Variants in NLK observed in about 807,000 individuals in gnomAD.
NLK encodes the protein nemo like kinase.
A neutral mutation model predicts 59.0 loss-of-function variants in NLK; 11 were observed. The observed-to-expected ratio is 0.19, with a 90% confidence interval of 0.12 to 0.31. The LOEUF (loss-of-function observed/expected upper bound fraction) is 0.31, where lower values mean the gene tolerates loss of function less well. Among genes scored for constraint, NLK ranks in the 10% least tolerant of loss-of-function variants. The pLI is 1.00. For missense variants in NLK, 410 were observed against 661.1 expected (o/e 0.62, Z 4.16); for synonymous variants, 235 against 235.9 (o/e 1.00, Z 0.03).
At chr17:28,116,180 A>G (rs1195641808) in intron 1 of NLK, 7 of 153,506 alleles carry the variant, frequency 4.6e-5, no homozygotes, top group African/African-American at 1.7e-4. Context: ...ACAAAGAGCT[A>G]ACATGGTTTC....
chr17:28,085,339 AT>A (rs1910476489), intron 1 of NLK, among the ~76,000 whole-genome samples: 1 of 152,188 alleles, frequency 6.6e-6, no homozygotes, highest in African/African-American at 2.4e-5. Context: ...CAAATAAGTA[AT>A]TAAATTTAAA....
At chr17:28,201,162 C>A (rs1909619353), downstream of NLK, among the ~76,000 whole-genome samples, 1 of 152,152 alleles carries the variant, frequency 6.6e-6, no homozygotes, top group South Asian at 2.1e-4. Context: ...CTCACATCAG[C>A]CTCCACCTCC....
chr17:28,167,267 C>T (rs944580545), intron 5 of NLK, among the ~76,000 whole-genome samples: 2 of 152,042 alleles, frequency 1.3e-5, no homozygotes, highest in Non-Finnish European at 2.9e-5. Context: ...GTCTCAATCT[C>T]ACTCTGTCTC....
downstream of NLK, among the ~76,000 whole-genome samples, chr17:28,197,208 C>T (rs1909503490): frequency 6.6e-6 from 1 of 152,096 alleles, no homozygotes; most frequent in South Asian, 2.1e-4. Context: ...GTGGCTTACA[C>T]CTGTAATCTC....
chr17:28,070,634 A>T (rs1909976986), intron 1 of NLK, among the ~76,000 whole-genome samples: 1 of 152,056 alleles, frequency 6.6e-6, no homozygotes, highest in South Asian at 2.1e-4. Flanking sequence ...TACAGGCATG[A>T]GCCACCGTGC....
intron 2 of NLK, among the ~76,000 whole-genome samples, 199 bp from the exon 3 acceptor site, chr17:28,132,421 G>A (rs1906556984): frequency 1.3e-5 from 2 of 152,158 alleles, no homozygotes; most frequent in African/African-American, 4.8e-5. Context: ...CTCTCATTTT[G>A]TAAGTCTTTT....
intron 2 of NLK, among the ~76,000 whole-genome samples, chr17:28,129,555 T>C (rs1196004901): frequency 2.0e-5 from 3 of 152,168 alleles, no homozygotes; most frequent in Admixed American, 2.0e-4. Flanking sequence ...TACTCAGGAT[T>C]TGTATACCTT....
intron 1 of NLK, among the ~76,000 whole-genome samples, chr17:28,097,951 C>G (rs1007983245): frequency 6.6e-6 from 1 of 152,032 alleles, no homozygotes; most frequent in Non-Finnish European, 1.5e-5. Context: ...TACAGGGTAA[C>G]CTAGTTGACA....
At position 28,194,571 on chromosome 17, in the gene NLK, T is replaced by A. The variant is rs1244942784; in HGVS notation, c.1530-11T>A. The A allele has an allele frequency of 1.9e-6, 3 of 1,578,276 alleles. No individual in the cohort carries two copies. The African/African-American group carries it at 4.0e-5, about 21-fold the overall frequency. ...ATTACAACTAATTTCTCCATCTCTG[T>A]TTTCTTCCAGTTCCACTGTTGCTCA... On this transcript the variant is annotated splice_polypyrimidine_tract_variant and intron_variant, in intron 10 of 10. Coordinates refer to ENST00000407008, the MANE Select transcript of NLK (RefSeq NM_016231.5).
At position 28,189,612 on chromosome 17, in the gene NLK, A is replaced by G. The variant is rs1423289332; in HGVS notation, c.1237-1409A>G. Among the ~76,000 whole-genome samples, 5 of 152,224 alleles carry G rather than the reference A, an allele frequency of 3.3e-5. No individual in the cohort carries two copies. The East Asian group carries it at 9.6e-4, about 29-fold the overall frequency. The stretch of plus-strand genomic sequence containing the variant: ...TTAAAGAAAAATAGAAGGAAAGGGA[A>G]GCCAAGGGCTCAGAGAGGCCTGGGA... On this transcript the variant is annotated intron_variant, in intron 8 of 10. Transcript: ENST00000407008.
intron 4 of NLK, 32 bp from the exon 5 acceptor site, chr17:28,163,511 A>G (rs1271819768): frequency 4.0e-6 from 5 of 1,254,852 alleles, no homozygotes; most frequent in Non-Finnish European, 5.7e-6. Flanking sequence ...AAGGAATTAA[A>G]TATCTGCAAT....
intron 3 of NLK, among the ~76,000 whole-genome samples, chr17:28,159,797 G>C (rs960816715): frequency 2.0e-5 from 3 of 152,158 alleles, no homozygotes; most frequent in Non-Finnish European, 4.4e-5. Flanking sequence ...TATCCTGGCT[G>C]CTGTTTTAGA....
chr17:28,063,721 C>T (rs1192716474), intron 1 of NLK, among the ~76,000 whole-genome samples: 1 of 152,084 alleles, frequency 6.6e-6, no homozygotes, highest in Non-Finnish European at 1.5e-5. Flanking sequence ...ACTCTTTATT[C>T]TCTGGAGCTT....
At chr17:28,084,098 C>T (rs913773077) in intron 1 of NLK, among the ~76,000 whole-genome samples, 2 of 152,156 alleles carry the variant, frequency 1.3e-5, no homozygotes, top group Non-Finnish European at 2.9e-5. Context: ...GTGGGTTTAA[C>T]GCTGGACTCA....
At chr17:28,047,003 T>C (rs1195276086) in intron 1 of NLK, among the ~76,000 whole-genome samples, 2 of 152,206 alleles carry the variant, frequency 1.3e-5, no homozygotes, top group South Asian at 2.1e-4. Flanking sequence ...CAGGTTACTT[T>C]TATCTGTCTT....
At chr17:28,116,549 A>G (rs1905783471) in intron 1 of NLK, 1 of 152,228 alleles carries the variant, frequency 6.6e-6, no homozygotes, top group Admixed American at 6.5e-5. Flanking sequence ...TAGCTTAGCC[A>G]TTAAAATATT....
chr17:28,091,405 T>C (rs1007748777), intron 1 of NLK, among the ~76,000 whole-genome samples: 1 of 151,964 alleles, frequency 6.6e-6, no homozygotes, highest in African/African-American at 2.4e-5. Flanking sequence ...GTAAACACTT[T>C]TATCTGGGCA....
At chr17:28,201,928 A>C in the NLK span, among the ~76,000 whole-genome samples, 17 of 152,278 alleles carry the variant, frequency 1.1e-4, no homozygotes, top group South Asian at 3.3e-3. Context: ...AGGCAGGAGA[A>C]TCACTTGAAC....
At chr17:28,143,697 A>T (rs1052954471) in intron 3 of NLK, among the ~76,000 whole-genome samples, 2 of 152,212 alleles carry the variant, frequency 1.3e-5, no homozygotes, top group African/African-American at 4.8e-5. Flanking sequence ...TCAGTAGCTC[A>T]TTGCACTTGG....
Sources: allele counts gnomAD v4.1 joint callset (sites outside exome capture counted in the v4.1 genomes callset), GRCh38; gene constraint gnomAD v4.1.1; transcripts MANE v1.5; gene names NCBI Gene and HGNC (gene_info 2026-07-23, HGNC 2026-07-21).